DDX59: variants seen among roughly 807,000 people sequenced by gnomAD.
The protein encoded by DDX59 is DEAD-box helicase 59.
A neutral mutation model predicts 51.9 loss-of-function variants in DDX59; 30 were observed. That is an observed-to-expected ratio of 0.58 (90% CI 0.43 to 0.78). DDX59 has a LOEUF of 0.78. DDX59 is among the 30% of genes least tolerant of loss of function. The pLI is 0.00. For synonymous variants in DDX59, 255 were observed against 253.3 expected, an observed-to-expected ratio of 1.01 and a Z score of -0.06; for missense variants, 672 against 730.8, an observed-to-expected ratio of 0.92 and a Z score of 0.93.
intron 4 of DDX59, 94 bp from the exon 5 acceptor site, chr1:200,650,770 A>C (rs778901919): frequency 1.7e-6 from 2 of 1,152,350 alleles, no homozygotes; most frequent in Middle Eastern, 2.4e-4. Flanking sequence ...TATAAAAATT[A>C]AAAATTCCTA....
chr1:200,649,830 A>G (rs1661538583), intron 5 of DDX59, among the ~76,000 whole-genome samples: 1 of 150,516 alleles, frequency 6.6e-6, no homozygotes, highest in Admixed American at 6.6e-5. Flanking sequence ...TACCAACCAT[A>G]TTTAACTTAA....
intron 2 of DDX59, among the ~76,000 whole-genome samples, chr1:200,664,960 C>G (rs1339607395): frequency 6.6e-6 from 1 of 152,232 alleles, no homozygotes; most frequent in Non-Finnish European, 1.5e-5. Context: ...CAGGCGTGAG[C>G]CACTGTGCCC....
downstream of DDX59, among the ~76,000 whole-genome samples, chr1:200,643,626 G>C (rs1661117176): frequency 6.6e-6 from 1 of 152,154 alleles, no homozygotes. Context: ...CTGGGCGACA[G>C]AGCGAGACTC....
chr1:200,666,120 A>T lies in DDX59; in HGVS notation c.621T>A (p.His207Gln). The change falls in exon 2 of 8, where the codon CAT becomes CAA. Residue 207 changes from histidine (H) to glutamine (Q), a missense_variant. By Grantham distance (24) the His-to-Gln change is conservative. Coordinates refer to ENST00000331314, the MANE Select transcript of DDX59 (RefSeq NM_001031725.6). ...GATTTAAGACCTCAGGGAGACTACA[A>T]TGTTCAAAGTCAATAATGGGCCTGG... ...EVTRPIIDFE[H>Q]CSLPEVLNHN... 1 of 1,614,208 alleles carries T rather than the reference A, an allele frequency of 6.2e-7. No individual in the cohort carries two copies.
In DDX59 at chr1:200,646,717, G is replaced by A. The variant is rs1488221811; in HGVS notation, c.1596+1722C>T. 2.6e-5 allele frequency among the ~76,000 whole-genome samples: 4 copies of A among 152,174 alleles called. 1 individual carries two copies. Among genetic ancestry groups the A allele is most frequent in the Admixed American group, 2.6e-4 (4 of 15,272 alleles). On this transcript the variant is annotated intron_variant, in intron 7 of 7. Coordinates refer to ENST00000331314, the MANE Select transcript of DDX59 (RefSeq NM_001031725.6). ...GCAGTTCCTCAAAATGCTAAACACAGAGTTACTATATGACTCAGTAATTCT... is the reference window on the plus strand; with the variant it reads ...GCAGTTCCTCAAAATGCTAAACACAAAGTTACTATATGACTCAGTAATTCT...
rs755658776 is a variant in DDX59, at chr1:200,659,087, C to T, written c.1002G>A (p.Leu334=). 2 of 1,613,610 alleles carry T rather than the reference C, an allele frequency of 1.2e-6. No homozygotes were observed. The highest frequency in any genetic ancestry group is 1.7e-6 in the Non-Finnish European group (2 of 1,179,806). Residue 334 remains leucine, a synonymous_variant, in exon 4 of 8, where the codon CTG becomes CTA. Transcript: ENST00000331314. Reference sequence around the variant, plus strand: ...CTACAGAGCTCTGCTTTATTATATCCAGAAGTCGCCCAGGGGTTGCTATGA... The same window carrying T: ...CTACAGAGCTCTGCTTTATTATATCTAGAAGTCGCCCAGGGGTTGCTATGA... ...KVIIATPGRL[L]DIIKQSSVEL... is the part of the protein sequence containing the mutation.
In DDX59 at chr1:200,644,457, AATT is replaced by A. The variant is rs1571603072; in HGVS notation, c.1654_1656del (p.Asn552del). 1 of 1,608,624 alleles carries A rather than the reference AATT, an allele frequency of 6.2e-7. No individual in the cohort carries two copies. The highest frequency in any genetic ancestry group is 1.3e-5 in the African/African-American group (1 of 74,768). On this transcript the variant is annotated inframe_deletion, in exon 8 of 8. Coordinates refer to ENST00000331314, the MANE Select transcript of DDX59 (RefSeq NM_001031725.6). Reference sequence around the variant, plus strand: ...GCAATATCCCAGAAGAGTCTTTTTGAATTATTATTGATGAAAGTAATCGCTGTT... The same window carrying A: ...GCAATATCCCAGAAGAGTCTTTTTGAATTATTGATGAAAGTAATCGCTGTT...
chr1:200,645,791 G>A (rs1316003217), intron 7 of DDX59, among the ~76,000 whole-genome samples: 97 of 152,148 alleles, frequency 6.4e-4, no homozygotes, highest in Non-Finnish European at 1.5e-5. Context: ...TAATACAGAG[G>A]GCATTTTTAA....
Position 200,644,094 on chromosome 1 carries a change from T to TA in DDX59, c.*159dup. The TA allele has an allele frequency of 1.6e-6, 1 of 607,650 alleles. No individual in the cohort carries two copies. The highest frequency in any genetic ancestry group is 2.2e-6 in the Non-Finnish European group (1 of 461,518). The allele number at this position is 607,650 out of a possible 1,614,324, so 37.6% of individuals were successfully genotyped here. A position where few individuals can be genotyped will look rare whatever the true frequency, so the allele number is the denominator to read the frequency against. The stretch of plus-strand genomic sequence containing the variant: ...AATTCATTTTCTGATGTTTTTAATT[T>TA]ATAAGAATTAAGGGAAATAAATACA... On this transcript the variant is annotated 3_prime_UTR_variant, in exon 8 of 8. Coordinates refer to ENST00000331314, the MANE Select transcript of DDX59 (RefSeq NM_001031725.6).
chr1:200,658,709 C>A (rs977242326), intron 4 of DDX59, among the ~76,000 whole-genome samples: 4 of 152,072 alleles, frequency 2.6e-5, no homozygotes, highest in African/African-American at 9.7e-5. Flanking sequence ...TGTCTCATTA[C>A]TTGACACTGA....
chr1:200,669,900 A>G lies in DDX59; in HGVS notation c.-145T>C, dbSNP rs111820047. On this transcript the variant is annotated 5_prime_UTR_variant, in exon 1 of 8. Coordinates refer to ENST00000331314, the MANE Select transcript of DDX59 (RefSeq NM_001031725.6). ...CTGCGGCCCGGGGTTGGTGGTGCGG[A>G]GCGGAGCGGAGCGGAGCGTAGAGTA... 0.2 allele frequency: 6,499 copies of G among 32,964 alleles called. 180 individuals carry two copies. Among genetic ancestry groups the G allele is most frequent in the Middle Eastern group, 0.37 (19 of 52 alleles). 2.0% of individuals were successfully genotyped at this position (32,964 alleles called of 1,614,324 possible).
intron 3 of DDX59, among the ~76,000 whole-genome samples, chr1:200,660,155 G>C (rs1662286286): frequency 6.6e-6 from 1 of 152,062 alleles, no homozygotes; most frequent in Admixed American, 6.6e-5. Context: ...TTACCCACAT[G>C]CTTACTATTT....
intron 6 of DDX59, 121 bp downstream of exon 6, chr1:200,648,953 G>T: frequency 9.8e-7 from 1 of 1,023,248 alleles, no homozygotes; most frequent in Non-Finnish European, 1.4e-6. Context: ...CCGCTTGTTT[G>T]ATGGTCTTGT....
chr1:200,662,068 C>T (rs1047948595), intron 3 of DDX59, among the ~76,000 whole-genome samples: 2 of 152,312 alleles, frequency 1.3e-5, no homozygotes, highest in South Asian at 2.1e-4. Context: ...TTGGAAGCTT[C>T]CTGAGGCCTC....
intron 4 of DDX59, among the ~76,000 whole-genome samples, chr1:200,656,880 C>G (rs988301625): frequency 2.6e-5 from 4 of 151,724 alleles, no homozygotes; most frequent in African/African-American, 9.7e-5. Context: ...ATAGCAAGAC[C>G]CCGTCTCTAA....
Position 200,666,720 on chromosome 1 carries a change from T to G in DDX59, c.21A>C (p.Leu7=), listed in dbSNP as rs753785795. The change falls in exon 2 of 8, where the codon CTA becomes CTC. Residue 7 remains leucine (L), a synonymous_variant. Coordinates refer to ENST00000331314, the MANE Select transcript of DDX59 (RefSeq NM_001031725.6). The part of the protein sequence containing the change: MFVPRS[L]KIKRNANDDG... ...CATCATTAGCATTCCTCTTGATTTT[T>G]AGAGATCTTGGAACAAACATCCTTC... 11 of 1,611,498 alleles carry G rather than the reference T, an allele frequency of 6.8e-6. No homozygotes were observed. The Admixed American group carries it at 1.8e-4, about 27-fold the overall frequency.
At chr1:200,667,300 C>T (rs1331296320) in intron 1 of DDX59, among the ~76,000 whole-genome samples, 1 of 152,138 alleles carries the variant, frequency 6.6e-6, no homozygotes. Context: ...ACTCGGGAGG[C>T]TGAGGGAGAA....
In DDX59 at chr1:200,664,069, C is replaced by T. The variant is rs765632353; in HGVS notation, c.822G>A (p.Ala274=). Residue 274 remains alanine (A), a synonymous_variant, in exon 3 of 8, where the codon GCG becomes GCA. Coordinates refer to ENST00000331314, the MANE Select transcript of DDX59 (RefSeq NM_001031725.6). Reference sequence around the variant, plus strand: ...ACTCTCTGGTTGGTGTAAGAATGAGCGCAGATGGAGTTTTGCTCTGCAAAG... The same window carrying T: ...ACTCTCTGGTTGGTGTAAGAATGAGTGCAGATGGAGTTTTGCTCTGCAAAG... ...RALFESKTPS[A]LILTPTRELA... 5.0e-6 allele frequency: 8 copies of T among 1,611,374 alleles called. No homozygotes were observed. Among genetic ancestry groups the T allele is most frequent in the Middle Eastern group, 1.7e-4 (1 of 6,054 alleles).
chr1:200,662,855 A>G (rs779297641), intron 3 of DDX59, among the ~76,000 whole-genome samples: 1 of 152,178 alleles, frequency 6.6e-6, no homozygotes, highest in Non-Finnish European at 1.5e-5. Context: ...AAGTACTTGT[A>G]TTGTTTACTT....
Sources: allele counts gnomAD v4.1 joint callset (sites outside exome capture counted in the v4.1 genomes callset), GRCh38; gene constraint gnomAD v4.1.1; transcripts MANE v1.5; gene names NCBI Gene and HGNC (gene_info 2026-07-23, HGNC 2026-07-21).